Variants in YWHAE observed in about 807,000 individuals in gnomAD.
YWHAE encodes tyrosine 3-monooxygenase/tryptophan 5-monooxygenase activation protein epsilon.
YWHAE carries 4 observed loss-of-function variants against 30.1 expected under a neutral mutation model. That is an observed-to-expected ratio of 0.13 (90% CI 0.07 to 0.30). The LOEUF (loss-of-function observed/expected upper bound fraction) is 0.30. Among genes scored for constraint, YWHAE ranks in the 10% least tolerant of loss-of-function variants. YWHAE has a pLI of 1.00. For synonymous variants in YWHAE, 118 were observed against 111.8 expected, an observed-to-expected ratio of 1.06 and a Z score of -0.35; for missense variants, 121 against 315.9, an observed-to-expected ratio of 0.38 and a Z score of 4.68.
At chr17:1,362,359 T>TA (rs759534580) in intron 2 of YWHAE, among the ~76,000 whole-genome samples, 3 of 152,152 alleles carry the variant, frequency 2.0e-5, no homozygotes, top group Non-Finnish European at 2.9e-5. Context: ...TTACATGAAT[T>TA]ACCTTCTTTC....
At chr17:1,362,966 TCA>T (rs1198743866) in intron 2 of YWHAE, among the ~76,000 whole-genome samples, 1 of 152,164 alleles carries the variant, frequency 6.6e-6, no homozygotes, top group African/African-American at 2.4e-5. Flanking sequence ...ATTCTATTTC[TCA>T]GTTTTTGTCA....
intron 4 of YWHAE, among the ~76,000 whole-genome samples, chr17:1,356,859 A>ATTT (rs2072753294): frequency 6.6e-6 from 1 of 152,164 alleles, no homozygotes; most frequent in African/African-American, 2.4e-5. Flanking sequence ...AATAGTCAAC[A>ATTT]TTAAAGTTCC....
At chr17:1,352,776 T>C (rs1187649039) in intron 5 of YWHAE, among the ~76,000 whole-genome samples, 3 of 152,120 alleles carry the variant, frequency 2.0e-5, no homozygotes, top group African/African-American at 4.8e-5. Flanking sequence ...CCACCCGCCA[T>C]GGCGTCCCAA....
chr17:1,384,619 G>A (rs1341411992), intron 1 of YWHAE, among the ~76,000 whole-genome samples: 1 of 151,862 alleles, frequency 6.6e-6, no homozygotes, highest in Non-Finnish European at 1.5e-5. Context: ...AGTGTATTTT[G>A]TATTTTGAGG....
intron 1 of YWHAE, among the ~76,000 whole-genome samples, chr17:1,384,476 C>CTGAG (rs2073268894): frequency 1.3e-5 from 2 of 149,232 alleles, no homozygotes; most frequent in Non-Finnish European, 3.0e-5. Flanking sequence ...CAGATCACAA[C>CTGAG]GTCAGGAGAT....
intron 1 of YWHAE, among the ~76,000 whole-genome samples, chr17:1,367,891 T>C (rs1192694857): frequency 1.3e-5 from 2 of 152,184 alleles, no homozygotes; most frequent in Non-Finnish European, 2.9e-5. Flanking sequence ...GAATTGTACA[T>C]GTAAAAGTGG....
rs547421849 is a variant in YWHAE, at chr17:1,357,910, C to G, written c.578+3182G>C. 6.0e-5 allele frequency among the ~76,000 whole-genome samples: 9 copies of G among 150,432 alleles called. No homozygotes were observed. In the East Asian group the frequency reaches 1.4e-3, roughly 23 times the overall value. ...CCACTGCACTCCAGCCTGGGAAACA[C>G]AGCGAGACTCTCCTCTCGGGGGAAA... is the stretch of plus-strand genomic sequence containing the variant. On this transcript the variant is annotated intron_variant, in intron 4 of 5. Transcript: ENST00000264335.
intron 4 of YWHAE, among the ~76,000 whole-genome samples, chr17:1,354,702 G>A (rs188305736): frequency 3.9e-5 from 6 of 152,040 alleles, no homozygotes; most frequent in East Asian, 1.9e-4. Flanking sequence ...TGGCTCTGTC[G>A]CCCAGGCTGG....
chr17:1,384,518 T>G (rs540230970), intron 1 of YWHAE, among the ~76,000 whole-genome samples: 38 of 128,540 alleles, frequency 3.0e-4, no homozygotes, highest in African/African-American at 1.2e-3. Context: ...GGTGAAACCC[T>G]GTCTCTACTA....
At chr17:1,398,695 C>T (rs1484747135) in intron 1 of YWHAE, 4 of 152,080 alleles carry the variant, frequency 2.6e-5, no homozygotes, top group Non-Finnish European at 5.9e-5. Context: ...CAGTATCGCA[C>T]AATTATAAAT....
At chr17:1,387,925 T>TTC (rs2073324842) in intron 1 of YWHAE, among the ~76,000 whole-genome samples, 1 of 24,442 alleles carries the variant, frequency 4.1e-5, no homozygotes. Context: ...TGCACCTGGC[T>TTC]TTTTTTTTTT....
intron 1 of YWHAE, among the ~76,000 whole-genome samples, chr17:1,395,426 G>A (rs2073453898): frequency 6.6e-6 from 1 of 152,104 alleles, no homozygotes; most frequent in African/African-American, 2.4e-5. Context: ...CTACTTGGGA[G>A]GCTGAGCCAG....
At chr17:1,396,511 C>T (rs572865147) in intron 1 of YWHAE, among the ~76,000 whole-genome samples, 1 of 152,316 alleles carries the variant, frequency 6.6e-6, no homozygotes, top group South Asian at 2.1e-4. Context: ...TTCATCCTAC[C>T]TTCCATGAAG....
Position 1,354,393 on chromosome 17 carries a change from C to G in YWHAE, c.579-46G>C, listed in dbSNP as rs931372481. On this transcript the variant is annotated intron_variant, in intron 4 of 5. Coordinates refer to ENST00000264335, the MANE Select transcript of YWHAE (RefSeq NM_006761.5). The stretch of plus-strand genomic sequence containing the variant: ...GTGTTATAAAAATTAAGTCCAAAAT[C>G]AGAATTAGAAATGACATGCTAGACA... 3.8e-6 allele frequency: 6 copies of G among 1,588,596 alleles called. No individual in the cohort carries two copies. The South Asian group carries it at 5.7e-5, about 15-fold the overall frequency.
intron 5 of YWHAE, among the ~76,000 whole-genome samples, chr17:1,348,448 A>G (rs1034604682): frequency 1.3e-5 from 2 of 152,252 alleles, no homozygotes; most frequent in South Asian, 4.1e-4. Flanking sequence ...AACATATTCT[A>G]AAATTAAAAG....
intron 1 of YWHAE, among the ~76,000 whole-genome samples, chr17:1,388,309 G>A (rs1598269182): frequency 6.6e-6 from 1 of 150,722 alleles, no homozygotes; most frequent in South Asian, 2.1e-4. Flanking sequence ...GAGATCAGGA[G>A]ATCAAGACCA....
chr17:1,397,381 A>T (rs1428457067), intron 1 of YWHAE, among the ~76,000 whole-genome samples: 1 of 152,184 alleles, frequency 6.6e-6, no homozygotes, highest in Non-Finnish European at 1.5e-5. Flanking sequence ...CCCCAAACTT[A>T]AATATTTCCT....
chr17:1,379,183 T>C (rs879684750), intron 1 of YWHAE, among the ~76,000 whole-genome samples: 1 of 152,158 alleles, frequency 6.6e-6, no homozygotes. Flanking sequence ...AAGAGCCCTA[T>C]GGGATGTTAA....
chr17:1,350,789 G>A (rs1204595416), intron 5 of YWHAE, among the ~76,000 whole-genome samples: 1 of 151,692 alleles, frequency 6.6e-6, no homozygotes, highest in Non-Finnish European at 1.5e-5. Context: ...GCCAGGCGCA[G>A]TGGCTCACGC....
Sources: gnomAD v4.1 joint callset for allele counts (sites outside exome capture counted in the v4.1 genomes callset) on GRCh38, gnomAD v4.1.1 for gene constraint, MANE v1.5 for transcripts, NCBI Gene and HGNC (gene_info 2026-07-23, HGNC 2026-07-21) for gene names.